RALYL: variants seen among roughly 807,000 people sequenced by gnomAD.
RALYL encodes the protein RNA-binding Raly-like protein.
RALYL carries 29 observed loss-of-function variants against 35.1 expected under a neutral mutation model. That is an observed-to-expected ratio of 0.83 (90% CI 0.61 to 1.13). The LOEUF is 1.13. Ranked by LOEUF, RALYL falls within the 50% of genes most tolerant of loss-of-function variation. The pLI is 0.00. For synonymous variants in RALYL, 120 were observed against 127.6 expected (o/e 0.94, Z 0.40); for missense variants, 359 against 360.4 (o/e 1.00, Z 0.03).
chr8:84,895,974 C>T (rs547119895), intron 8 of RALYL, among the ~76,000 whole-genome samples: 7 of 152,092 alleles, frequency 4.6e-5, no homozygotes, highest in Admixed American at 6.6e-5. Flanking sequence ...AATACCTTGC[C>T]ACTCCCTCAC....
At chr8:84,888,360 C>T (rs1193780479) in intron 8 of RALYL, among the ~76,000 whole-genome samples, 1 of 152,170 alleles carries the variant, frequency 6.6e-6, no homozygotes, top group African/African-American at 2.4e-5. Context: ...CATTATACTG[C>T]TCATTTCCAG....
intron 8 of RALYL, among the ~76,000 whole-genome samples, chr8:84,916,417 G>A (rs917888527): frequency 1.4e-4 from 22 of 151,898 alleles, no homozygotes; most frequent in African/African-American, 5.3e-4. Context: ...GAATGCCCAA[G>A]TATTGTAGAA....
At chr8:84,553,155 C>CT (rs1433416439) in intron 2 of RALYL, among the ~76,000 whole-genome samples, 1 of 152,078 alleles carries the variant, frequency 6.6e-6, no homozygotes, top group African/African-American at 2.4e-5. Context: ...ACTTCTTTCA[C>CT]TTCTTTTTCT....
intron 1 of RALYL, among the ~76,000 whole-genome samples, chr8:84,205,506 T>C (rs544096851): frequency 2.0e-5 from 3 of 152,316 alleles, no homozygotes; most frequent in East Asian, 1.9e-4. Context: ...ATACCACATA[T>C]GCAAAGGGAA....
chr8:84,331,867 A>G (rs1255075915), intron 1 of RALYL, among the ~76,000 whole-genome samples: 1 of 152,162 alleles, frequency 6.6e-6, no homozygotes, highest in Non-Finnish European at 1.5e-5. Context: ...GGTTCAGAGT[A>G]AATATTGTAG....
At chr8:84,239,616 C>T (rs1214895363) in intron 1 of RALYL, among the ~76,000 whole-genome samples, 1 of 151,880 alleles carries the variant, frequency 6.6e-6, no homozygotes, top group Non-Finnish European at 1.5e-5. Context: ...CTCGGTGGGG[C>T]GTGGTGGCTC....
intron 2 of RALYL, among the ~76,000 whole-genome samples, chr8:84,709,423 C>CA (rs1266800556): frequency 3.3e-5 from 5 of 151,936 alleles, no homozygotes; most frequent in African/African-American, 7.3e-5. Context: ...TGTATATGGA[C>CA]ATACACGTGT....
At chr8:84,901,673 C>G (rs1845711725) in intron 8 of RALYL, among the ~76,000 whole-genome samples, 1 of 152,080 alleles carries the variant, frequency 6.6e-6, no homozygotes, top group African/African-American at 2.4e-5. Flanking sequence ...GTAAATATAT[C>G]AGAGGATGTT....
At chr8:84,654,956 G>A (rs1829666518) in intron 2 of RALYL, among the ~76,000 whole-genome samples, 1 of 152,058 alleles carries the variant, frequency 6.6e-6, no homozygotes, top group African/African-American at 2.4e-5. Flanking sequence ...ACCTAGCGGT[G>A]GGATTGCTGG....
At chr8:84,516,033 G>C (rs2058037792) in intron 1 of RALYL, among the ~76,000 whole-genome samples, 1 of 151,168 alleles carries the variant, frequency 6.6e-6, no homozygotes, top group Admixed American at 6.6e-5. Context: ...GGGGCGGTGT[G>C]GGGTGGGGCT....
chr8:84,702,779 C>A (rs1840437278), intron 2 of RALYL, among the ~76,000 whole-genome samples: 2 of 151,898 alleles, frequency 1.3e-5, no homozygotes, highest in African/African-American at 4.8e-5. Context: ...GGTATAGATA[C>A]AATTATTTGA....
chr8:84,909,026 C>T (rs1847051762), intron 8 of RALYL, among the ~76,000 whole-genome samples: 1 of 152,060 alleles, frequency 6.6e-6, no homozygotes, highest in South Asian at 2.1e-4. Context: ...ATTCCAAATC[C>T]CTGAGGATCT....
chr8:84,892,861 A>G (rs902164120), intron 8 of RALYL, among the ~76,000 whole-genome samples: 1 of 152,184 alleles, frequency 6.6e-6, no homozygotes, highest in African/African-American at 2.4e-5. Flanking sequence ...AGTGCATAGA[A>G]GTCAAAATTT....
chr8:84,408,667 G>C (rs1355196704), intron 1 of RALYL, among the ~76,000 whole-genome samples: 1 of 152,146 alleles, frequency 6.6e-6, no homozygotes, highest in Admixed American at 6.6e-5. Flanking sequence ...CTGAATGATT[G>C]CATGGAGGAG....
At chr8:84,587,334 C>A (rs1340837451) in intron 2 of RALYL, among the ~76,000 whole-genome samples, 1 of 152,102 alleles carries the variant, frequency 6.6e-6, no homozygotes, top group Non-Finnish European at 1.5e-5. Flanking sequence ...AGTTCATTAT[C>A]CCTTTACAAT....
At chr8:84,802,604 AAGAG>A (rs1007445208) in intron 3 of RALYL, among the ~76,000 whole-genome samples, 4 of 152,100 alleles carry the variant, frequency 2.6e-5, no homozygotes, top group African/African-American at 7.2e-5. Context: ...TTCAAAAAAA[AAGAG>A]AGAGAGAGAG....
intron 1 of RALYL, among the ~76,000 whole-genome samples, chr8:84,454,171 A>G (rs1269185873): frequency 6.6e-6 from 1 of 152,038 alleles, no homozygotes; most frequent in Non-Finnish European, 1.5e-5. Context: ...GAGATAGATT[A>G]TCTTTCAGGT....
At chr8:84,851,654 C>T (rs929599264) in intron 5 of RALYL, among the ~76,000 whole-genome samples, 1 of 152,124 alleles carries the variant, frequency 6.6e-6, no homozygotes, top group Non-Finnish European at 1.5e-5. Flanking sequence ...CTCTCTGCTC[C>T]AGCCTCTAGG....
chr8:84,582,557 C>T (rs547923804), intron 2 of RALYL, among the ~76,000 whole-genome samples: 39 of 152,106 alleles, frequency 2.6e-4, no homozygotes, highest in African/African-American at 8.4e-4. Context: ...TTTCATACCA[C>T]CCACTTGATT....
Sources: gnomAD v4.1 joint callset for allele counts (sites outside exome capture counted in the v4.1 genomes callset) on GRCh38, gnomAD v4.1.1 for gene constraint, MANE v1.5 for transcripts, NCBI Gene and HGNC (gene_info 2026-07-23, HGNC 2026-07-21) for gene names.